Variants in AUTS2 observed in about 807,000 individuals in gnomAD.
AUTS2 encodes the protein activator of transcription and developmental regulator AUTS2, also known as autism susceptibility gene 2 protein.
Under a neutral mutation model 112.4 loss-of-function variants are expected in AUTS2, and 17 were observed. That is an observed-to-expected ratio of 0.15 (90% CI 0.10 to 0.23). The LOEUF is 0.23. AUTS2 is among the 10% of genes least tolerant of loss of function. The pLI, the probability that AUTS2 is intolerant of heterozygous loss-of-function variation, is 1.00. For missense variants in AUTS2, 1,510 were observed against 1,701.6 expected (o/e 0.89, Z 1.98); for synonymous variants, 751 against 702.7 (o/e 1.07, Z -1.09).
intron 2 of AUTS2, among the ~76,000 whole-genome samples, chr7:69,934,768 A>G (rs537424187): frequency 2.0e-5 from 3 of 152,236 alleles, no homozygotes; most frequent in East Asian, 1.9e-4. Flanking sequence ...CCTCTGTTCA[A>G]TCTCGTCTTG....
chr7:69,807,691 A>G (rs1790366121), intron 1 of AUTS2, among the ~76,000 whole-genome samples: 1 of 152,108 alleles, frequency 6.6e-6, no homozygotes, highest in Non-Finnish European at 1.5e-5. Context: ...TGTCATCTGA[A>G]TGTTTGACTG....
intron 2 of AUTS2, among the ~76,000 whole-genome samples, chr7:70,113,155 T>G (rs1805172796): frequency 6.6e-6 from 1 of 152,144 alleles, no homozygotes; most frequent in African/African-American, 2.4e-5. Context: ...ATTTTAGCTT[T>G]TATTCACAAC....
At chr7:70,494,347 C>CT (rs1316154136) in intron 5 of AUTS2, among the ~76,000 whole-genome samples, 2 of 151,742 alleles carry the variant, frequency 1.3e-5, no homozygotes, top group African/African-American at 4.8e-5. Context: ...AGTTTTATGT[C>CT]TTTTTATCAC....
chr7:70,684,559 C>T (rs566052530), intron 5 of AUTS2, among the ~76,000 whole-genome samples: 59 of 142,968 alleles, frequency 4.1e-4, no homozygotes, highest in East Asian at 2.3e-3. Flanking sequence ...CGTGGCGTGG[C>T]GTGTTGTGGC....
intron 2 of AUTS2, among the ~76,000 whole-genome samples, chr7:69,934,751 C>A (rs1311374473): frequency 1.3e-5 from 2 of 152,184 alleles, no homozygotes; most frequent in Non-Finnish European, 2.9e-5. Context: ...CTGCTTGGTT[C>A]TGAGCTCCTC....
intron 5 of AUTS2, among the ~76,000 whole-genome samples, chr7:70,496,667 A>G (rs200123304): frequency 1.5e-3 from 135 of 90,288 alleles, no homozygotes; most frequent in Middle Eastern, 0.019. Flanking sequence ...TCACATCAGC[A>G]TCGATCACAC....
chr7:69,680,440 T>TAAAAAATA, intron 1 of AUTS2, among the ~76,000 whole-genome samples: 1 of 152,264 alleles, frequency 6.6e-6, no homozygotes, highest in Non-Finnish European at 1.5e-5. Context: ...TCATTGTTGT[T>TAAAAAATA]TTTTATTGTG....
intron 4 of AUTS2, among the ~76,000 whole-genome samples, chr7:70,399,431 T>G (rs1409139090): frequency 1.3e-5 from 2 of 152,200 alleles, no homozygotes; most frequent in Admixed American, 6.5e-5. Flanking sequence ...CTGTATCATC[T>G]TTCTTATATA....
chr7:70,634,909 G>A (rs1805454548), intron 5 of AUTS2, among the ~76,000 whole-genome samples: 1 of 152,144 alleles, frequency 6.6e-6, no homozygotes, highest in Non-Finnish European at 1.5e-5. Context: ...TTAGTGTTGG[G>A]GGCTGGGGTT....
At chr7:69,661,502 G>C (rs1795795344) in intron 1 of AUTS2, among the ~76,000 whole-genome samples, 1 of 152,258 alleles carries the variant, frequency 6.6e-6, no homozygotes, top group East Asian at 1.9e-4. Flanking sequence ...TCTGGTGTTG[G>C]TGGTTGTTTC....
At chr7:70,575,712 C>A (rs1052459197) in intron 5 of AUTS2, among the ~76,000 whole-genome samples, 4 of 152,252 alleles carry the variant, frequency 2.6e-5, no homozygotes, top group South Asian at 2.1e-4. Flanking sequence ...CAGTTAACTG[C>A]GGGCCTGTCA....
chr7:69,942,951 T>C (rs1343055355), intron 2 of AUTS2, among the ~76,000 whole-genome samples: 4 of 152,252 alleles, frequency 2.6e-5, no homozygotes, highest in Admixed American at 6.5e-5. Context: ...AGTGCACTGA[T>C]TGAAAAATCT....
Position 70,134,558 on chromosome 7 carries a change from G to C in AUTS2, c.647G>C (p.Gly216Ala), listed in dbSNP as rs1322853972. ...CAGAGTTCAGCTCCTTCCAGCTTGG[G>C]AACAGGCTACTTCGTAAGTCTATCT... Reference protein sequence around the residue: ...LSDSSAPSSLGTGYFCDSDSD... With the variant: ...LSDSSAPSSLATGYFCDSDSD... The change falls in exon 4 of 19, where the codon GGA becomes GCA. Residue 216 changes from glycine to alanine, a missense_variant. Coordinates refer to ENST00000342771, the MANE Select transcript of AUTS2 (RefSeq NM_015570.4). The C allele has an allele frequency of 6.2e-6, 10 of 1,613,794 alleles. No homozygotes were observed. The highest frequency in any genetic ancestry group is 8.5e-6 in the Non-Finnish European group (10 of 1,179,780).
intron 4 of AUTS2, among the ~76,000 whole-genome samples, chr7:70,212,077 G>A (rs546387810): frequency 7.2e-5 from 11 of 152,270 alleles, no homozygotes; most frequent in Admixed American, 4.6e-4. Context: ...ACCTGTGGGG[G>A]AAAGAAAAAG....
chr7:69,870,940 G>A (rs921083735), intron 1 of AUTS2, among the ~76,000 whole-genome samples: 2 of 152,106 alleles, frequency 1.3e-5, no homozygotes, highest in Non-Finnish European at 2.9e-5. Context: ...AGATATGAGA[G>A]CATTCAACTT....
intron 6 of AUTS2, among the ~76,000 whole-genome samples, chr7:70,750,203 G>A (rs899203262): frequency 5.9e-5 from 9 of 152,174 alleles, no homozygotes; most frequent in Non-Finnish European, 1.2e-4. Context: ...TGATGAGAGG[G>A]TAATCTGGAG....
chr7:69,623,502 G>A (rs1793785934), intron 1 of AUTS2, among the ~76,000 whole-genome samples: 1 of 150,150 alleles, frequency 6.7e-6, no homozygotes, highest in South Asian at 2.1e-4. Context: ...ACAGTGCTGG[G>A]ATTATGGGTG....
chr7:69,866,262 A>T (rs1291299628), intron 1 of AUTS2, among the ~76,000 whole-genome samples: 2 of 152,154 alleles, frequency 1.3e-5, no homozygotes, highest in Non-Finnish European at 2.9e-5. Flanking sequence ...GTGATTAAGT[A>T]GTTCCCTCCC....
intron 2 of AUTS2, among the ~76,000 whole-genome samples, chr7:70,035,151 C>G (rs1800945226): frequency 6.6e-6 from 1 of 152,130 alleles, no homozygotes; most frequent in African/African-American, 2.4e-5. Context: ...TTTATGCCAC[C>G]CACTAAAGAA....
Sources: allele counts gnomAD v4.1 joint callset (sites outside exome capture counted in the v4.1 genomes callset), GRCh38; gene constraint gnomAD v4.1.1; transcripts MANE v1.5; gene names NCBI Gene and HGNC (gene_info 2026-07-23, HGNC 2026-07-21).